Variants in CDH13 observed in about 807,000 individuals in gnomAD.
The protein encoded by CDH13 is cadherin 13.
CDH13 carries 24 observed loss-of-function variants against 63.8 expected under a neutral mutation model. The ratio of observed to expected loss-of-function variants is 0.38; its 90% confidence interval spans 0.27 to 0.53. CDH13 has a LOEUF of 0.53. Ranked by LOEUF, CDH13 falls within the 20% of genes least tolerant of loss-of-function variation. CDH13 has a pLI of 0.85. For synonymous variants in CDH13, 503 were observed against 355.3 expected (o/e 1.42, Z -4.67); for missense variants, 1,049 against 903.1 (o/e 1.16, Z -2.07).
chr16:83,779,932 C>G, intron 11 of CDH13, 36 bp from the exon 12 acceptor site: 1 of 1,415,196 alleles, frequency 7.1e-7, no homozygotes, highest in Non-Finnish European at 1.0e-6. Context: ...CTCGCATATA[C>G]CAGTTGCATA....
In CDH13 at chr16:83,231,036, C is replaced by G. The variant is rs532811251; in HGVS notation, c.636+13539C>G. Among the ~76,000 whole-genome samples, 469 of 152,330 alleles carry G rather than the reference C, an allele frequency of 3.1e-3. 3 individuals are homozygous for G. Among genetic ancestry groups the G allele is most frequent in the Non-Finnish European group, 5.3e-3 (361 of 68,034 alleles). ...ATCTTCCTCGGGCTCTGACCTTCGCCCAGCTCTCTAAACTTGAGCAAATGC... is the reference window on the plus strand; with the variant it reads ...ATCTTCCTCGGGCTCTGACCTTCGCGCAGCTCTCTAAACTTGAGCAAATGC... On this transcript the variant is annotated intron_variant, in intron 5 of 13. Coordinates refer to ENST00000567109, the MANE Select transcript of CDH13 (RefSeq NM_001257.5).
intron 1 of CDH13, among the ~76,000 whole-genome samples, chr16:82,828,667 T>C (rs1400978901): frequency 4.1e-5 from 3 of 73,706 alleles, no homozygotes; most frequent in Non-Finnish European, 1.0e-4. Context: ...TGTGTGTGTA[T>C]ATATATATAT....
intron 7 of CDH13, among the ~76,000 whole-genome samples, chr16:83,543,328 T>C (rs1041572279): frequency 2.0e-5 from 3 of 152,212 alleles, no homozygotes; most frequent in African/African-American, 7.2e-5. Context: ...GCCTTCATGC[T>C]TTTATTCCAC....
At chr16:82,847,494 A>G (rs1382124508) in intron 1 of CDH13, among the ~76,000 whole-genome samples, 1 of 152,094 alleles carries the variant, frequency 6.6e-6, no homozygotes, top group Non-Finnish European at 1.5e-5. Context: ...CTCTGCCCTC[A>G]CCTTCATCAT....
At chr16:83,151,884 C>A (rs1597425834) in intron 4 of CDH13, among the ~76,000 whole-genome samples, 1 of 151,940 alleles carries the variant, frequency 6.6e-6, no homozygotes, top group Admixed American at 6.6e-5. Context: ...ATCACTTGAA[C>A]CTGGAAGGTG....
intron 8 of CDH13, among the ~76,000 whole-genome samples, chr16:83,633,571 T>G (rs1457979111): frequency 6.6e-6 from 1 of 152,174 alleles, no homozygotes; most frequent in African/African-American, 2.4e-5. Flanking sequence ...TTTTCTCCAT[T>G]GAAAACATCT....
chr16:83,227,404 G>C (rs140775501), intron 5 of CDH13, among the ~76,000 whole-genome samples: 22 of 152,260 alleles, frequency 1.4e-4, no homozygotes, highest in African/African-American at 5.1e-4. Context: ...CCAGCCTTGG[G>C]CCTCCCAGGA....
intron 9 of CDH13, among the ~76,000 whole-genome samples, chr16:83,672,073 A>G (rs1213287370): frequency 6.6e-6 from 1 of 152,230 alleles, no homozygotes; most frequent in Non-Finnish European, 1.5e-5. Flanking sequence ...ACCAGTGGGC[A>G]GAGCAGGGAA....
At chr16:83,059,301 G>C (rs2031277890) in intron 3 of CDH13, among the ~76,000 whole-genome samples, 1 of 152,176 alleles carries the variant, frequency 6.6e-6, no homozygotes, top group African/African-American at 2.4e-5. Context: ...TGGATTGAGA[G>C]TTGCCTGGGA....
intron 1 of CDH13, among the ~76,000 whole-genome samples, chr16:82,740,894 C>T (rs774167802): frequency 4.6e-5 from 7 of 152,070 alleles, no homozygotes; most frequent in South Asian, 2.1e-4. Context: ...ATAATACATT[C>T]GATCACAGCT....
intron 1 of CDH13, among the ~76,000 whole-genome samples, chr16:82,787,472 C>G (rs2151128128): frequency 6.6e-6 from 1 of 152,260 alleles, no homozygotes; most frequent in African/African-American, 2.4e-5. Context: ...TAGAGAAATT[C>G]TGAGTGTTTA....
intron 1 of CDH13, among the ~76,000 whole-genome samples, chr16:82,738,894 C>G (rs1399476204): frequency 6.6e-6 from 1 of 152,222 alleles, no homozygotes; most frequent in Non-Finnish European, 1.5e-5. Context: ...CCCCTGGTGG[C>G]CAGTGGCTGT....
At chr16:83,251,654 G>A (rs908190089) in intron 5 of CDH13, among the ~76,000 whole-genome samples, 1 of 152,246 alleles carries the variant, frequency 6.6e-6, no homozygotes, top group East Asian at 1.9e-4. Context: ...AGGATGGTCT[G>A]TGGCCATTGG....
rs1275505438 is a variant in CDH13, at chr16:83,725,227, G to A, written c.1539-22881G>A. On this transcript the variant is annotated intron_variant, in intron 10 of 13. Coordinates refer to ENST00000567109, the MANE Select transcript of CDH13 (RefSeq NM_001257.5). ...CCAGGGCAAGGATGTTCAGGCAGAG[G>A]AAATGGGATAAACAAAGGCATGGTG... Among the ~76,000 whole-genome samples, 3 of 152,214 alleles carry A rather than the reference G, an allele frequency of 2.0e-5. No individual in the cohort carries two copies. The East Asian group carries it at 5.8e-4, about 29-fold the overall frequency.
intron 3 of CDH13, among the ~76,000 whole-genome samples, chr16:83,064,359 A>ACT (rs71148807): frequency 0.6 from 90,949 of 151,796 alleles, 27,739 homozygotes; most frequent in East Asian, 0.87. Context: ...ACAAAGTGAG[A>ACT]CTGTCTCAAA....
intron 2 of CDH13, among the ~76,000 whole-genome samples, chr16:82,975,536 C>T (rs1909378880): frequency 1.3e-5 from 2 of 152,246 alleles, no homozygotes; most frequent in African/African-American, 2.4e-5. Flanking sequence ...TACATGAGAT[C>T]ATGCATGCAA....
At chr16:82,790,975 C>T (rs1279017266) in intron 1 of CDH13, among the ~76,000 whole-genome samples, 2 of 152,252 alleles carry the variant, frequency 1.3e-5, no homozygotes, top group South Asian at 2.1e-4. Flanking sequence ...TGGTGGCTCA[C>T]GCCTGTAATC....
intron 1 of CDH13, among the ~76,000 whole-genome samples, chr16:82,807,834 G>T (rs1245204617): frequency 1.3e-5 from 2 of 152,110 alleles, no homozygotes; most frequent in Non-Finnish European, 2.9e-5. Context: ...AATTACTGGG[G>T]ACTTTTAACA....
At position 83,428,799 on chromosome 16, in the gene CDH13, G is replaced by A. The variant is rs537850045; in HGVS notation, c.782-57678G>A. ...GTTTTATGGAAAATCTATTTGGTGCGTGAATTCTGTTGTTTTCTTGTGAAG... is the reference window on the plus strand; with the variant it reads ...GTTTTATGGAAAATCTATTTGGTGCATGAATTCTGTTGTTTTCTTGTGAAG... On this transcript the variant is annotated intron_variant, in intron 6 of 13. Transcript: ENST00000567109. Among the ~76,000 whole-genome samples the A allele has an allele frequency of 3.9e-5, 6 of 152,324 alleles. No individual in the cohort carries two copies. In the South Asian group the frequency reaches 6.2e-4, roughly 16 times the overall value.
Sources: gnomAD v4.1 joint callset for allele counts (sites outside exome capture counted in the v4.1 genomes callset) on GRCh38, gnomAD v4.1.1 for gene constraint, MANE v1.5 for transcripts, NCBI Gene and HGNC (gene_info 2026-07-23, HGNC 2026-07-21) for gene names.